RIN3: variants seen among roughly 807,000 people sequenced by gnomAD.
The protein encoded by RIN3 is Ras and Rab interactor 3, also known as RAB5 interacting protein 3.
RIN3 carries 54 observed loss-of-function variants against 76.3 expected under a neutral mutation model. The observed-to-expected ratio is 0.71, with a 90% CI of 0.57 to 0.89. RIN3 has a LOEUF of 0.89. Ranked by LOEUF, RIN3 falls within the 40% of genes least tolerant of loss-of-function variation. The probability of loss-of-function intolerance (pLI) is 0.00; values close to 1 mark genes in which losing one functional copy is unlikely to be tolerated. For missense variants in RIN3, 1,256 were observed against 1,322.1 expected (o/e 0.95, Z 0.78); for synonymous variants, 576 against 564.0 (o/e 1.02, Z -0.30).
At position 92,577,333 on chromosome 14, in the gene RIN3, G is replaced by A. The variant is rs930592454; in HGVS notation, c.250-27G>A. ...CCTTCACCCAAATCTTTAATTCACG[G>A]AGCTGCATCCCCTTCTTTGGTTTCA... On this transcript the variant is annotated intron_variant, in intron 2 of 9. Transcript: ENST00000216487. 3.3e-6 allele frequency: 5 copies of A among 1,530,960 alleles called. No homozygotes were observed. The African/African-American group carries it at 4.1e-5, about 13-fold the overall frequency. The allele number at this position is 1,530,960 out of a possible 1,614,324, so 94.8% of individuals were successfully genotyped here.
At position 92,651,892 on chromosome 14, in the gene RIN3, A is replaced by ACCCCCC; in HGVS notation, c.848_849insCCCCCC (p.Pro284_Pro285dup). Reference sequence around the variant, plus strand: ...CCAGGTGGGCCCCACGCCGCCCACCACCCCCTCCCCCAGTGCTGCCCCTGC... The same window carrying ACCCCCC: ...CCAGGTGGGCCCCACGCCGCCCACCACCCCCCCCCCCTCCCCCAGTGCTGCCCCTGC... On this transcript the variant is annotated inframe_insertion, in exon 6 of 10. Transcript: ENST00000216487. 3 of 921,234 alleles carry ACCCCCC rather than the reference A, an allele frequency of 3.3e-6. No homozygotes were observed. Among genetic ancestry groups the ACCCCCC allele is most frequent in the Non-Finnish European group, 4.3e-6 (3 of 697,224 alleles). 57.1% of individuals were successfully genotyped at this position (921,234 alleles called of 1,614,324 possible).
chr14:92,666,864 G>A (rs1888123599), intron 7 of RIN3, among the ~76,000 whole-genome samples: 1 of 152,190 alleles, frequency 6.6e-6, no homozygotes, highest in Non-Finnish European at 1.5e-5. Context: ...TGCCTTTTCA[G>A]CTCCTTGAGT....
At chr14:92,527,212 G>A (rs140163766) in intron 1 of RIN3, among the ~76,000 whole-genome samples, 10,060 of 151,774 alleles carry the variant, frequency 0.066, 1,116 homozygotes, top group African/African-American at 0.23. Context: ...CACCACGCCC[G>A]GCTAATTTTT....
intron 1 of RIN3, among the ~76,000 whole-genome samples, chr14:92,524,164 G>A (rs1031689426): frequency 6.6e-6 from 1 of 152,116 alleles, no homozygotes; most frequent in Non-Finnish European, 1.5e-5. Context: ...ACTGCACTTC[G>A]GCCTGGGTGA....
chr14:92,537,323 A>G (rs1357604771), intron 1 of RIN3, among the ~76,000 whole-genome samples: 1 of 152,176 alleles, frequency 6.6e-6, no homozygotes, highest in Non-Finnish European at 1.5e-5. Flanking sequence ...GTCAGTACAC[A>G]GAAGGTATTC....
chr14:92,518,640 G>A (rs935820308), intron 1 of RIN3, among the ~76,000 whole-genome samples: 1 of 152,216 alleles, frequency 6.6e-6, no homozygotes, highest in South Asian at 2.1e-4. Context: ...GAGAAAGGAT[G>A]GGGGAAGGAG....
intron 1 of RIN3, among the ~76,000 whole-genome samples, chr14:92,529,787 G>C (rs1896836241): frequency 6.6e-6 from 1 of 152,138 alleles, no homozygotes; most frequent in South Asian, 2.1e-4. Context: ...GGGCTGCCTC[G>C]TGTTCCTAAG....
At position 92,651,965 on chromosome 14, in the gene RIN3, G is replaced by A. The variant is rs753665702; in HGVS notation, c.916G>A (p.Ala306Thr). 2.5e-4 allele frequency: 261 copies of A among 1,034,968 alleles called. No homozygotes were observed. Among genetic ancestry groups the A allele is most frequent in the Non-Finnish European group, 3.1e-4 (250 of 816,358 alleles). The allele number at this position is 1,034,968 out of a possible 1,614,324, so 64.1% of individuals were successfully genotyped here. A position where few individuals can be genotyped will look rare whatever the true frequency, so the allele number is the denominator to read the frequency against. Residue 306 changes from alanine to threonine, a missense_variant, in exon 6 of 10, where the codon GCC becomes ACC. Physicochemically the swap from Ala to Thr is moderately conservative, Grantham distance 58. Coordinates refer to ENST00000216487, the MANE Select transcript of RIN3 (RefSeq NM_024832.5). Reference protein sequence around the residue: ...QPPVLPALAPAPACPLPTSPP... With the variant: ...QPPVLPALAPTPACPLPTSPP... ...CCCTGTGCTCCCTGCTCTTGCCCCCGCCCCTGCCTGTCCTTTGCCCACCTC... is the reference window on the plus strand; with the variant it reads ...CCCTGTGCTCCCTGCTCTTGCCCCCACCCCTGCCTGTCCTTTGCCCACCTC...
intron 8 of RIN3, 79 bp downstream of exon 8, chr14:92,676,685 A>G (rs1888477454): frequency 6.7e-7 from 1 of 1,493,274 alleles, no homozygotes; most frequent in Non-Finnish European, 9.2e-7. Flanking sequence ...AGGTGGCCCA[A>G]CAAGCACCTC....
At chr14:92,558,601 T>C (rs1897666196) in intron 2 of RIN3, among the ~76,000 whole-genome samples, 8 of 152,176 alleles carry the variant, frequency 5.3e-5, no homozygotes, top group Admixed American at 5.2e-4. Flanking sequence ...ATTTGGGTAG[T>C]AACCCCAGGA....
intron 1 of RIN3, among the ~76,000 whole-genome samples, chr14:92,523,546 G>A (rs781723067): frequency 6.6e-6 from 1 of 152,222 alleles, no homozygotes; most frequent in Non-Finnish European, 1.5e-5. Flanking sequence ...GCTTTGCAGG[G>A]CGACCTGCAA....
chr14:92,558,112 G>T (rs1417788092), intron 2 of RIN3, among the ~76,000 whole-genome samples: 1 of 152,228 alleles, frequency 6.6e-6, no homozygotes, highest in African/African-American at 2.4e-5. Flanking sequence ...ACTTTGGGAG[G>T]CCACGGCAGG....
At chr14:92,616,638 T>C (rs1490513907) in intron 4 of RIN3, among the ~76,000 whole-genome samples, 5 of 152,220 alleles carry the variant, frequency 3.3e-5, no homozygotes, top group South Asian at 4.1e-4. Context: ...TCCCTACCTA[T>C]TGGGGATCAA....
chr14:92,607,607 C>T (rs1467177534), intron 3 of RIN3, among the ~76,000 whole-genome samples: 1 of 152,112 alleles, frequency 6.6e-6, no homozygotes, highest in African/African-American at 2.4e-5. Flanking sequence ...AGACCCCTTC[C>T]CCAAAAAAGG....
chr14:92,664,501 G>A (rs978107515), intron 7 of RIN3, among the ~76,000 whole-genome samples: 7 of 150,792 alleles, frequency 4.6e-5, no homozygotes, highest in African/African-American at 1.7e-4. Flanking sequence ...CCAAGTAGCT[G>A]GGACTACAGG....
intron 2 of RIN3, chr14:92,576,411 C>T (rs924977313): frequency 2.3e-6 from 3 of 1,288,634 alleles, no homozygotes; most frequent in Non-Finnish European, 3.0e-6. Context: ...AGCACAGCTG[C>T]GTCCTCACAG....
intron 3 of RIN3, among the ~76,000 whole-genome samples, chr14:92,614,364 C>G (rs1248933487): frequency 6.6e-6 from 1 of 152,176 alleles, no homozygotes; most frequent in Non-Finnish European, 1.5e-5. Context: ...CTCTACTGGG[C>G]CTCAGAATTG....
intron 1 of RIN3, among the ~76,000 whole-genome samples, chr14:92,535,542 C>T (rs937189377): frequency 3.4e-4 from 52 of 151,944 alleles, no homozygotes; most frequent in African/African-American, 1.1e-3. Context: ...TGTGCGTGCA[C>T]GCACGTGCAT....
At chr14:92,678,756 T>A (rs560027383) in intron 8 of RIN3, among the ~76,000 whole-genome samples, 1 of 152,240 alleles carries the variant, frequency 6.6e-6, no homozygotes, top group South Asian at 2.1e-4. Flanking sequence ...GGCTGTGGTG[T>A]AGGACAAGAC....
Sources: gnomAD v4.1 joint callset for allele counts (sites outside exome capture counted in the v4.1 genomes callset) on GRCh38, gnomAD v4.1.1 for gene constraint, MANE v1.5 for transcripts, NCBI Gene and HGNC (gene_info 2026-07-23, HGNC 2026-07-21) for gene names.